The following AGO2 variants were observed in gnomAD, a reference collection of about 807,000 sequenced individuals.
The protein encoded by AGO2 is protein argonaute-2.
AGO2 carries 5 observed loss-of-function variants against 102.3 expected under a neutral mutation model. That is an observed-to-expected ratio of 0.05 (90% confidence interval 0.03 to 0.10). The LOEUF is 0.10. Among genes scored for constraint, AGO2 ranks in the 10% least tolerant of loss-of-function variants. The probability of loss-of-function intolerance (pLI) is 1.00; values close to 1 mark genes in which losing one functional copy is unlikely to be tolerated. For synonymous variants in AGO2, 449 were observed against 473.1 expected, an observed-to-expected ratio of 0.95 and a Z score of 0.66; for missense variants, 541 against 1,183.7, an observed-to-expected ratio of 0.46 and a Z score of 7.97.
Position 140,521,260 on chromosome 8 carries a change from A to C in AGO2, c.*10784T>G, listed in dbSNP as rs2072412177. On this transcript the variant is annotated 3_prime_UTR_variant, in exon 19 of 19. Coordinates refer to ENST00000220592, the MANE Select transcript of AGO2 (RefSeq NM_012154.5). ...TATGCAGCATACTAAAGGATGATTT[A>C]CTCTTTACAAAATAGAGCTTAAGTA... is the stretch of plus-strand genomic sequence containing the variant. 1 of 152,200 alleles carries C rather than the reference A, an allele frequency of 6.6e-6. No individual in the cohort carries two copies. Among genetic ancestry groups the C allele is most frequent in the African/African-American group, 2.4e-5 (1 of 41,452 alleles). The allele number at this position is 152,200 out of a possible 1,614,324, so 9.4% of individuals were successfully genotyped here.
intron 1 of AGO2, among the ~76,000 whole-genome samples, chr8:140,631,706 A>G (rs866240180): frequency 6.6e-6 from 1 of 152,230 alleles, no homozygotes; most frequent in Admixed American, 6.5e-5. Flanking sequence ...ACTTCTGAGA[A>G]TATGAGAGAA....
At position 140,532,123 on chromosome 8, in the gene AGO2, C is replaced by T. The variant is rs754598454; in HGVS notation, c.2501G>A (p.Ser834Asn). Residue 834 changes from serine to asparagine, a missense_variant, in exon 19 of 19, where the codon AGT becomes AAT. By Grantham distance (46) the Ser-to-Asn change is conservative. Coordinates refer to ENST00000220592, the MANE Select transcript of AGO2 (RefSeq NM_012154.5). ...CAGTGCTTGGTGGTCTCGCCCGTTA[C>T]TCTGCCCAGAGGTATGGCTTCCTTC... Reference protein sequence around the residue: ...SAEGSHTSGQSNGRDHQALAK... With the variant: ...SAEGSHTSGQNNGRDHQALAK... The T allele has an allele frequency of 3.7e-6, 6 of 1,614,068 alleles. No homozygotes were observed. The highest frequency in any genetic ancestry group is 2.2e-5 in the South Asian group (2 of 91,090).
At chr8:140,638,677 T>G (rs2074424709), upstream of AGO2, among the ~76,000 whole-genome samples, 1 of 152,174 alleles carries the variant, frequency 6.6e-6, no homozygotes, top group Admixed American at 6.5e-5. Context: ...CAGGCTCAAG[T>G]GATCCTCCCA....
rs1380456711 is a variant in AGO2 at position 140,589,561 on chromosome 8, T to C, written c.23-4250A>G. Among the ~76,000 whole-genome samples, 1 of 151,982 alleles carries C rather than the reference T, an allele frequency of 6.6e-6. No homozygotes were observed. Among genetic ancestry groups the C allele is most frequent in the Non-Finnish European group, 1.5e-5 (1 of 67,990 alleles). ...CAAAGCTGTTTCCAGAGCTCCAAAG[T>C]GAGTCATTATTCAAAGCCATGCTTC... On this transcript the variant is annotated intron_variant, in intron 1 of 18. Coordinates refer to ENST00000220592, the MANE Select transcript of AGO2 (RefSeq NM_012154.5). This position sits in a 1 kb window ranked among gnomAD's most constrained non-coding sequence, Gnocchi z 4.2.
intron 1 of AGO2, among the ~76,000 whole-genome samples, chr8:140,588,160 TTTTAAATGGGC>T (rs1371907635): frequency 6.6e-6 from 1 of 152,232 alleles, no homozygotes; most frequent in Non-Finnish European, 1.5e-5. Context: ...CCCAGTCTTA[TTTTAAATGGGC>T]TTTAAATGGG....
At chr8:140,545,782 T>C (rs2072889066) in intron 13 of AGO2, among the ~76,000 whole-genome samples, 1 of 152,244 alleles carries the variant, frequency 6.6e-6, no homozygotes, top group African/African-American at 2.4e-5. Flanking sequence ...GCTCCCACTC[T>C]GTGCCCCTGC....
At chr8:140,533,197 G>C (rs2072632059) in intron 17 of AGO2, among the ~76,000 whole-genome samples, 1 of 150,336 alleles carries the variant, frequency 6.7e-6, no homozygotes, top group South Asian at 2.1e-4. Flanking sequence ...AGACCATCCT[G>C]GCTAACACGG....
At chr8:140,574,760 G>C (rs1044292238) in intron 2 of AGO2, among the ~76,000 whole-genome samples, 3 of 152,186 alleles carry the variant, frequency 2.0e-5, no homozygotes, top group Non-Finnish European at 2.9e-5. Flanking sequence ...ATGTGGTAAA[G>C]AGCGAGAGAG....
intron 1 of AGO2, among the ~76,000 whole-genome samples, chr8:140,634,139 C>A (rs2074372681): frequency 6.6e-6 from 1 of 152,248 alleles, no homozygotes; most frequent in Non-Finnish European, 1.5e-5. Flanking sequence ...GGGGGAAAAT[C>A]ATTCTTCAAA....
intron 14 of AGO2, among the ~76,000 whole-genome samples, chr8:140,542,193 G>A (rs1317414155): frequency 1.3e-5 from 2 of 152,174 alleles, no homozygotes; most frequent in Non-Finnish European, 2.9e-5. Flanking sequence ...AGCCCATGGA[G>A]GGAACCGGGT....
chr8:140,550,555 C>T (rs2072977941), intron 11 of AGO2, among the ~76,000 whole-genome samples: 1 of 152,204 alleles, frequency 6.6e-6, no homozygotes, highest in Non-Finnish European at 1.5e-5. Context: ...CTCTTAATCA[C>T]TCCTCTTGTC....
rs1230716599 is a variant in AGO2 at position 140,540,771 on chromosome 8, G to A, written c.2034+393C>T. Among the ~76,000 whole-genome samples the A allele has an allele frequency of 1.3e-5, 2 of 152,102 alleles. No homozygotes were observed. The highest frequency in any genetic ancestry group is 4.8e-5 in the African/African-American group (2 of 41,420). On this transcript the variant is annotated intron_variant, in intron 15 of 18. Transcript: ENST00000220592. This position sits in a 1 kb window ranked among gnomAD's most constrained non-coding sequence, Gnocchi z 5.0. ...CACACCTCTCACACTGCAGACAGGC[G>A]TCCCCAGACGCAATGAGCTCCCCGC...
chr8:140,627,897 A>AC (rs1006901204), intron 1 of AGO2, among the ~76,000 whole-genome samples: 2 of 151,396 alleles, frequency 1.3e-5, no homozygotes, highest in African/African-American at 2.4e-5. Context: ...CCACAGATGC[A>AC]CCCCCCAGGG....
chr8:140,558,423 G>T, intron 7 of AGO2, 62 bp downstream of exon 7: 1 of 1,524,316 alleles, frequency 6.6e-7, no homozygotes, highest in Non-Finnish European at 9.1e-7. Context: ...GCTCCAGAGT[G>T]TGCCCGTCGG....
At chr8:140,577,647 G>A (rs1394396134) in intron 2 of AGO2, among the ~76,000 whole-genome samples, 2 of 152,202 alleles carry the variant, frequency 1.3e-5, no homozygotes, top group East Asian at 1.9e-4. Context: ...CAGAGAGCTC[G>A]GGACAGAGCC....
At chr8:140,596,774 G>C (rs2073849947) in intron 1 of AGO2, among the ~76,000 whole-genome samples, 1 of 152,242 alleles carries the variant, frequency 6.6e-6, no homozygotes, top group Non-Finnish European at 1.5e-5. Flanking sequence ...GTCACCTGCA[G>C]GCTGGGAGGA....
At chr8:140,613,891 G>T (rs2074109775) in intron 1 of AGO2, among the ~76,000 whole-genome samples, 1 of 151,910 alleles carries the variant, frequency 6.6e-6, no homozygotes, top group Admixed American at 6.6e-5. Flanking sequence ...AGTGGTGCAT[G>T]CCTGTGATCC....
chr8:140,596,100 C>T (rs1032092870), intron 1 of AGO2, among the ~76,000 whole-genome samples: 7 of 148,758 alleles, frequency 4.7e-5, no homozygotes, highest in Admixed American at 6.8e-5. Flanking sequence ...CCTCCTGCCT[C>T]GGCCTCCCAA....
chr8:140,525,301 T>A lies in AGO2; in HGVS notation c.*6743A>T, dbSNP rs748952727. On this transcript the variant is annotated 3_prime_UTR_variant, in exon 19 of 19. Coordinates refer to ENST00000220592, the MANE Select transcript of AGO2 (RefSeq NM_012154.5). The stretch of plus-strand genomic sequence containing the variant: ...GTGGATCTGCGTGCTGCAGCTCCCA[T>A]GACTGAGTCGAGGGGCGAGCGGCTG... 4 of 152,216 alleles carry A rather than the reference T, an allele frequency of 2.6e-5. No homozygotes were observed. Among genetic ancestry groups the A allele is most frequent in the Non-Finnish European group, 5.9e-5 (4 of 68,064 alleles). The allele number at this position is 152,216 out of a possible 1,614,324, so 9.4% of individuals were successfully genotyped here. A position where few individuals can be genotyped will look rare whatever the true frequency, so the allele number is the denominator to read the frequency against.
Sources: gnomAD v4.1 joint callset for allele counts (sites outside exome capture counted in the v4.1 genomes callset) on GRCh38, gnomAD v4.1.1 for gene constraint, Gnocchi (gnomAD v3.1) non-coding constraint, MANE v1.5 for transcripts, NCBI Gene and HGNC (gene_info 2026-07-23, HGNC 2026-07-21) for gene names.